The following EXOC4 variants were observed in gnomAD, a reference collection of about 807,000 sequenced individuals.
EXOC4 encodes the protein SEC8-like 1.
In EXOC4, 71 loss-of-function variants were observed where a neutral mutation model predicts 107.2. That is an observed-to-expected ratio of 0.66 (90% confidence interval 0.55 to 0.81). EXOC4 has a LOEUF of 0.81. EXOC4 is among the 30% of genes least tolerant of loss of function. EXOC4 has a pLI of 0.00. For synonymous variants in EXOC4, 456 were observed against 441.2 expected (o/e 1.03, Z -0.42); for missense variants, 1,108 against 1,189.6 (o/e 0.93, Z 1.01).
intron 9 of EXOC4, among the ~76,000 whole-genome samples, chr7:133,510,339 T>C (rs1584967403): frequency 6.6e-6 from 1 of 152,170 alleles, no homozygotes. Context: ...ATTGAATGAG[T>C]ATACTGTATT....
At chr7:133,830,395 GAGGAGT>G (rs1797784570) in intron 11 of EXOC4, among the ~76,000 whole-genome samples, 1 of 152,236 alleles carries the variant, frequency 6.6e-6, no homozygotes, top group Non-Finnish European at 1.5e-5. Flanking sequence ...TCGTGAAGAG[GAGGAGT>G]ACACTTTTCT....
intron 10 of EXOC4, among the ~76,000 whole-genome samples, chr7:133,673,120 A>G (rs968462175): frequency 1.3e-5 from 2 of 152,184 alleles, no homozygotes; most frequent in Non-Finnish European, 2.9e-5. Context: ...GATTGGAGAT[A>G]GCCTCAGTAT....
rs541587348 is a variant in EXOC4, at chr7:133,852,830, C to G, written c.1734+35286C>G. ...TTTTTCTAAGGGAAAGGAATAGCAA[C>G]ATTTGCTGCCACTTAAAATCCATCC... On this transcript the variant is annotated intron_variant, in intron 11 of 17. Coordinates refer to ENST00000253861, the MANE Select transcript of EXOC4 (RefSeq NM_021807.4). Among the ~76,000 whole-genome samples the G allele has an allele frequency of 2.0e-5, 3 of 152,288 alleles. No individual in the cohort carries two copies. In the East Asian group the frequency reaches 5.8e-4, roughly 29 times the overall value.
intron 7 of EXOC4, among the ~76,000 whole-genome samples, chr7:133,408,698 G>A (rs1291251522): frequency 6.6e-6 from 1 of 152,112 alleles, no homozygotes; most frequent in African/African-American, 2.4e-5. Flanking sequence ...CTATTAAGTG[G>A]CAGAGCTTGG....
intron 10 of EXOC4, among the ~76,000 whole-genome samples, chr7:133,755,417 C>T (rs1377378555): frequency 1.4e-5 from 2 of 144,218 alleles, no homozygotes; most frequent in Non-Finnish European, 3.0e-5. Context: ...CATCTCAGCC[C>T]ACTGCAACCT....
At chr7:133,710,456 C>T (rs1026251152) in intron 10 of EXOC4, among the ~76,000 whole-genome samples, 2 of 151,638 alleles carry the variant, frequency 1.3e-5, no homozygotes, top group African/African-American at 2.4e-5. Context: ...GTCAGGAGAT[C>T]GAGACCATCC....
the EXOC4 span, among the ~76,000 whole-genome samples, chr7:134,098,330 A>G: frequency 2.0e-5 from 3 of 152,290 alleles, no homozygotes; most frequent in South Asian, 6.2e-4. Context: ...GCTGCGTGAT[A>G]TCATGCCACA....
chr7:133,811,955 G>A (rs1349050342), intron 10 of EXOC4, among the ~76,000 whole-genome samples: 1 of 152,090 alleles, frequency 6.6e-6, no homozygotes, highest in East Asian at 1.9e-4. Context: ...TCTACTGTGT[G>A]CCAGTCATAG....
chr7:133,770,940 T>C (rs116147574), intron 10 of EXOC4, among the ~76,000 whole-genome samples: 2,097 of 152,058 alleles, frequency 0.014, 42 homozygotes, highest in African/African-American at 0.048. Context: ...GAAATATATC[T>C]GGTCCTAAGA....
At chr7:133,651,947 TGGGATTACA>T (rs1238030861) in intron 10 of EXOC4, among the ~76,000 whole-genome samples, 1 of 152,316 alleles carries the variant, frequency 6.6e-6, no homozygotes, top group African/African-American at 2.4e-5. Flanking sequence ...CCCAAAGTGC[TGGGATTACA>T]GGTGTGAGCC....
Position 133,823,893 on chromosome 7 carries a change from T to TATATA in EXOC4, c.1734+6349_1734+6350insATATA, listed in dbSNP as rs1554405881. 1.6e-4 allele frequency among the ~76,000 whole-genome samples: 3 copies of TATATA among 18,622 alleles called. No individual in the cohort carries two copies. The African/African-American group carries it at 2.0e-3, about 12-fold the overall frequency. The allele number at this position is 18,622 out of a possible 152,430, so 12.2% of individuals were successfully genotyped here. ...TATATTATATATATATATATATATA[T>TATATA]TTTATATATATATATATAAATATAT... On this transcript the variant is annotated intron_variant, in intron 11 of 17. Coordinates refer to ENST00000253861, the MANE Select transcript of EXOC4 (RefSeq NM_021807.4).
chr7:133,720,388 C>T (rs1244933146), intron 10 of EXOC4, among the ~76,000 whole-genome samples: 3 of 152,062 alleles, frequency 2.0e-5, no homozygotes, highest in Non-Finnish European at 4.4e-5. Context: ...ATGAATGTTG[C>T]GTATAAACCT....
At chr7:133,399,984 A>C (rs940514340) in intron 7 of EXOC4, among the ~76,000 whole-genome samples, 1 of 152,228 alleles carries the variant, frequency 6.6e-6, no homozygotes, top group African/African-American at 2.4e-5. Flanking sequence ...CTAAGGACTC[A>C]TAGTGAACTA....
intron 10 of EXOC4, among the ~76,000 whole-genome samples, chr7:133,678,053 T>C (rs1562903841): frequency 1.3e-5 from 2 of 152,228 alleles, no homozygotes; most frequent in African/African-American, 4.8e-5. Context: ...GTATGAACTT[T>C]ATGATATGTA....
chr7:133,566,056 A>T (rs1327321923), intron 9 of EXOC4, among the ~76,000 whole-genome samples: 1 of 152,192 alleles, frequency 6.6e-6, no homozygotes, highest in Admixed American at 6.6e-5. Context: ...AATAAGGAAC[A>T]TGAGTTTGAG....
intron 10 of EXOC4, among the ~76,000 whole-genome samples, chr7:133,696,876 G>A (rs889017092): frequency 4.6e-5 from 7 of 152,130 alleles, no homozygotes; most frequent in African/African-American, 1.7e-4. Context: ...CATTATTAGT[G>A]TAGTTTTTCT....
intron 9 of EXOC4, among the ~76,000 whole-genome samples, chr7:133,587,093 A>G (rs1249035298): frequency 6.6e-6 from 1 of 151,838 alleles, no homozygotes; most frequent in Non-Finnish European, 1.5e-5. Context: ...CTCGGCCTCC[A>G]GAAGTGCTGG....
At chr7:133,648,755 A>T (rs1722145240) in intron 10 of EXOC4, among the ~76,000 whole-genome samples, 1 of 152,140 alleles carries the variant, frequency 6.6e-6, no homozygotes, top group Non-Finnish European at 1.5e-5. Context: ...TTTAAAATTT[A>T]TTTACTTGCT....
chr7:133,532,704 TA>T (rs890573671), intron 9 of EXOC4, among the ~76,000 whole-genome samples: 26 of 152,130 alleles, frequency 1.7e-4, no homozygotes, highest in African/African-American at 5.1e-4. Flanking sequence ...CCAAGAAAAA[TA>T]AATAAATTAT....
Sources: gnomAD v4.1 joint callset for allele counts (sites outside exome capture counted in the v4.1 genomes callset) on GRCh38, gnomAD v4.1.1 for gene constraint, MANE v1.5 for transcripts, NCBI Gene and HGNC (gene_info 2026-07-23, HGNC 2026-07-21) for gene names.